Variants in NAIP observed in about 807,000 individuals in gnomAD.
The protein encoded by NAIP is baculoviral IAP repeat-containing protein 1.
Under a neutral mutation model 23.0 loss-of-function variants are expected in NAIP, and 15 were observed. The observed-to-expected ratio is 0.65, with a 90% CI of 0.44 to 1.00. The LOEUF is 1.00. Ranked by LOEUF, NAIP falls within the 50% of genes least tolerant of loss-of-function variation. NAIP has a pLI of 0.00. For synonymous variants in NAIP, 100 were observed against 100.2 expected, an observed-to-expected ratio of 1.00 and a Z score of 0.01; for missense variants, 265 against 278.8, an observed-to-expected ratio of 0.95 and a Z score of 0.35.
Position 71,012,995 on chromosome 5 carries a change from G to A in NAIP, c.-3-77C>T, listed in dbSNP as rs912173986. Reference sequence around the variant, plus strand: ...AAGAGCATTTCCCACTGTTTCCGAAGAAACCAGGAATTAAAGGAATGCCTG... The same window carrying A: ...AAGAGCATTTCCCACTGTTTCCGAAAAAACCAGGAATTAAAGGAATGCCTG... On this transcript the variant is annotated intron_variant, in intron 3 of 16. Transcript: ENST00000517649. 2.9e-5 allele frequency: 37 copies of A among 1,274,262 alleles called. No homozygotes were observed. In the African/African-American group the frequency reaches 5.2e-4, roughly 18 times the overall value. 78.9% of individuals were successfully genotyped at this position (1,274,262 alleles called of 1,614,324 possible). A position where few individuals can be genotyped will look rare whatever the true frequency, so the allele number is the denominator to read the frequency against.
In NAIP at chr5:71,012,520, A is replaced by G; in HGVS notation, c.396T>C (p.Val132=). Residue 132 remains valine (V), a synonymous_variant, in exon 4 of 17, where the codon GTT becomes GTC. Coordinates refer to ENST00000517649, the MANE Select transcript of NAIP (RefSeq NM_004536.3). Reference sequence around the variant, plus strand: ...TTATGTCGTACTTGGCAATGTTACCAACATCCTTGTTCAAAAGGAACCCAC... The same window carrying G: ...TTATGTCGTACTTGGCAATGTTACCGACATCCTTGTTCAAAAGGAACCCAC... ...PDCGFLLNKD[V]GNIAKYDIRV... The G allele has an allele frequency of 6.2e-7, 1 of 1,611,720 alleles. No individual in the cohort carries two copies. Among genetic ancestry groups the G allele is most frequent in the Non-Finnish European group, 8.5e-7 (1 of 1,178,472 alleles).
At chr5:70,996,407 CTTCAT>C (rs1374899967) in intron 9 of NAIP, among the ~76,000 whole-genome samples, 1 of 133,198 alleles carries the variant, frequency 7.5e-6, no homozygotes, top group Non-Finnish European at 1.6e-5. Context: ...TGGTGTTCGT[CTTCAT>C]TTATTTCATT....
chr5:71,014,258 C>G (rs73118818), intron 3 of NAIP, among the ~76,000 whole-genome samples: 3,681 of 151,080 alleles, frequency 0.024, 211 homozygotes, highest in African/African-American at 0.082. Flanking sequence ...CCACCAATTG[C>G]GGCTAATTTC....
At chr5:71,016,120 A>G (rs1751433050) in intron 3 of NAIP, among the ~76,000 whole-genome samples, 1 of 150,438 alleles carries the variant, frequency 6.6e-6, no homozygotes, top group South Asian at 2.1e-4. Context: ...CTCTAAAAAA[A>G]CTTTTTTTTT....
intron 16 of NAIP, among the ~76,000 whole-genome samples, 177 bp from the exon 17 acceptor site, chr5:70,970,645 T>C (rs1470081044): frequency 1.3e-3 from 11 of 8,678 alleles, no homozygotes; most frequent in African/African-American, 3.9e-3. Flanking sequence ...GGTCTCTTTT[T>C]CTTTCTTTCT....
chr5:71,012,877 G>A lies in NAIP; in HGVS notation c.39C>T (p.Ser13=). 6.2e-7 allele frequency: 1 copy of A among 1,607,828 alleles called. No homozygotes were observed. Among genetic ancestry groups the A allele is most frequent in the Non-Finnish European group, 8.5e-7 (1 of 1,176,996 alleles). The change falls in exon 4 of 17, where the codon TCC becomes TCT. Residue 13 remains serine (S), a synonymous_variant. Transcript: ENST00000517649. Reference sequence around the variant, plus strand: ...CTGGCAGCAAATTGTGATCAAACTGGGAGATCCTCTCGTCAGAGGCTTTCT... The same window carrying A: ...CTGGCAGCAAATTGTGATCAAACTGAGAGATCCTCTCGTCAGAGGCTTTCT... ...TQQKASDERI[S]QFDHNLLPEL...
chr5:71,014,103 CT>C (rs879631494), intron 3 of NAIP, among the ~76,000 whole-genome samples: 2,162 of 139,516 alleles, frequency 0.015, 40 homozygotes, highest in Middle Eastern at 0.026. Context: ...GTAATTCCTC[CT>C]TTTTTTTTTT....
In NAIP at chr5:71,024,623, A is replaced by G. The variant is rs1751556299; in HGVS notation, c.-227T>C. On this transcript the variant is annotated 5_prime_UTR_variant, in exon 1 of 17. Transcript: ENST00000517649. ...TTTATTATAAAGGATACAGATGAACAGGCAGTCGAAGAGGTACACAGGGCA... is the reference window on the plus strand; with the variant it reads ...TTTATTATAAAGGATACAGATGAACGGGCAGTCGAAGAGGTACACAGGGCA... 1.6e-4 allele frequency: 2 copies of G among 12,500 alleles called. No homozygotes were observed. The highest frequency in any genetic ancestry group is 3.6e-3 in the Admixed American group (2 of 548). 0.8% of individuals were successfully genotyped at this position (12,500 alleles called of 1,614,324 possible). A position where few individuals can be genotyped will look rare whatever the true frequency, so the allele number is the denominator to read the frequency against.
At position 70,979,584 on chromosome 5, in the gene NAIP, AAATAAT is replaced by A. The variant is rs781336414; in HGVS notation, c.3442+279_3442+284del. The stretch of plus-strand genomic sequence containing the variant: ...CGGGAGACTGTCTCAAAAAAAAAAA[AAATAAT>A]AATAATAATAATAATAATAATAGTA... On this transcript the variant is annotated intron_variant, in intron 13 of 16. Transcript: ENST00000517649. Among the ~76,000 whole-genome samples, 2 of 42,824 alleles carry A rather than the reference AAATAAT, an allele frequency of 4.7e-5. 1 individual carries two copies. Among genetic ancestry groups the A allele is most frequent in the Admixed American group, 5.6e-4 (2 of 3,596 alleles). 28.1% of individuals were successfully genotyped at this position (42,824 alleles called of 152,430 possible). A position where few individuals can be genotyped will look rare whatever the true frequency, so the allele number is the denominator to read the frequency against.
Position 71,012,344 on chromosome 5 carries a change from G to A in NAIP, c.568+4C>T. The A allele has an allele frequency of 6.3e-7, 1 of 1,585,762 alleles. No individual in the cohort carries two copies. Among genetic ancestry groups the A allele is most frequent in the Non-Finnish European group, 8.6e-7 (1 of 1,164,404 alleles). ...AAACACTTCAGAGAATAATTTCAAG[G>A]TACCTGTAAAGACAAAGCCAGCCTC... On this transcript the variant is annotated splice_donor_region_variant and intron_variant, in intron 4 of 16. Coordinates refer to ENST00000517649, the MANE Select transcript of NAIP (RefSeq NM_004536.3).
At chr5:71,011,730 C>A in intron 4 of NAIP, 2 of 446,618 alleles carry the variant, frequency 4.5e-6, no homozygotes, top group South Asian at 1.9e-5. Flanking sequence ...CTTGCCATGA[C>A]ATTTCGGTAG....
intron 3 of NAIP, among the ~76,000 whole-genome samples, chr5:71,015,255 T>C (rs1751383396): frequency 6.6e-6 from 1 of 151,304 alleles, no homozygotes; most frequent in Non-Finnish European, 1.5e-5. Context: ...GGCACATGCC[T>C]GTAGTCCCAG....
intron 6 of NAIP, among the ~76,000 whole-genome samples, chr5:71,002,401 CTT>C (rs1157939944): frequency 0.035 from 190 of 5,502 alleles, no homozygotes; most frequent in African/African-American, 0.055. Flanking sequence ...TGTTGGAGGT[CTT>C]TTTTTTTTTT....
intron 12 of NAIP, among the ~76,000 whole-genome samples, chr5:70,982,651 C>T (rs1466418392): frequency 1.4e-4 from 2 of 13,900 alleles, no homozygotes; most frequent in Non-Finnish European, 2.2e-4. Flanking sequence ...TTTTTTGAGA[C>T]GGAGTCTCAC....
At chr5:70,978,157 T>A (rs1401431992) in intron 13 of NAIP, among the ~76,000 whole-genome samples, 16 of 116,922 alleles carry the variant, frequency 1.4e-4, no homozygotes, top group African/African-American at 2.3e-4. Context: ...ATATTTTTTT[T>A]TTTTTTTTTT....
At chr5:71,013,732 G>A (rs999428696) in intron 3 of NAIP, among the ~76,000 whole-genome samples, 7 of 151,040 alleles carry the variant, frequency 4.6e-5, no homozygotes, top group African/African-American at 1.7e-4. Flanking sequence ...TAACTTTCTA[G>A]TGTCAAATCC....
chr5:71,013,578 T>TGCA (rs1204214706), intron 3 of NAIP, among the ~76,000 whole-genome samples: 1 of 148,640 alleles, frequency 6.7e-6, no homozygotes, highest in Non-Finnish European at 1.5e-5. Context: ...AGGTGGAGCT[T>TGCA]GCAGCGAGCC....
At chr5:71,010,231 G>A (rs993347521) in intron 5 of NAIP, among the ~76,000 whole-genome samples, 1 of 150,630 alleles carries the variant, frequency 6.6e-6, no homozygotes, top group Non-Finnish European at 1.5e-5. Flanking sequence ...CCTCAGCCTC[G>A]CAAGTAGCTA....
intron 5 of NAIP, among the ~76,000 whole-genome samples, chr5:71,010,637 ATCC>A (rs1751106811): frequency 6.6e-6 from 1 of 151,302 alleles, no homozygotes; most frequent in Admixed American, 6.6e-5. Flanking sequence ...ATTTCAAGCA[ATCC>A]TCCTGCCTTG....
Sources: gnomAD v4.1 joint callset for allele counts (sites outside exome capture counted in the v4.1 genomes callset) on GRCh38, gnomAD v4.1.1 for gene constraint, MANE v1.5 for transcripts, NCBI Gene and HGNC (gene_info 2026-07-23, HGNC 2026-07-21) for gene names.